GOLIM4: variants seen among roughly 807,000 people sequenced by gnomAD.
GOLIM4 encodes 130 kDa golgi-localized phosphoprotein.
Under a neutral mutation model 107.4 loss-of-function variants are expected in GOLIM4, and 71 were observed. That is an observed-to-expected ratio of 0.66 (90% confidence interval 0.55 to 0.81). GOLIM4 has a LOEUF of 0.81. Among genes scored for constraint, GOLIM4 ranks in the 30% least tolerant of loss-of-function variants. The probability of loss-of-function intolerance (pLI) is 0.00; values close to 1 mark genes in which losing one functional copy is unlikely to be tolerated. For synonymous variants in GOLIM4, 327 were observed against 294.8 expected, an observed-to-expected ratio of 1.11 and a Z score of -1.12; for missense variants, 830 against 826.1, an observed-to-expected ratio of 1.00 and a Z score of -0.06.
intron 8 of GOLIM4, among the ~76,000 whole-genome samples, chr3:168,033,909 A>C (rs577359002): frequency 2.2e-4 from 34 of 152,146 alleles, no homozygotes; most frequent in Non-Finnish European, 4.3e-4. Flanking sequence ...ACTACCTAGA[A>C]AGTGAGGAAG....
chr3:168,025,185 G>C (rs888764906), intron 12 of GOLIM4, 90 bp from the exon 13 acceptor site: 27 of 988,150 alleles, frequency 2.7e-5, no homozygotes, highest in Non-Finnish European at 4.0e-5. Context: ...GGCAGAAAAT[G>C]AAATTGTCCT....
chr3:168,021,818 G>A (rs1717705127), intron 14 of GOLIM4, among the ~76,000 whole-genome samples: 1 of 152,154 alleles, frequency 6.6e-6, no homozygotes, highest in South Asian at 2.1e-4. Context: ...AGATTAATCA[G>A]TTTTCAGTTA....
At chr3:168,065,332 G>C (rs1055731910) in intron 1 of GOLIM4, among the ~76,000 whole-genome samples, 9 of 152,162 alleles carry the variant, frequency 5.9e-5, no homozygotes, top group Admixed American at 5.9e-4. Context: ...ATTCAGTTTA[G>C]CACAATGCTA....
chr3:168,038,406 T>C (rs1718780760), intron 7 of GOLIM4, among the ~76,000 whole-genome samples: 1 of 152,178 alleles, frequency 6.6e-6, no homozygotes, highest in South Asian at 2.1e-4. Flanking sequence ...CCCCTACTCT[T>C]GAAATTATAA....
chr3:168,023,131 A>T (rs953561001), intron 14 of GOLIM4, among the ~76,000 whole-genome samples: 1 of 152,218 alleles, frequency 6.6e-6, no homozygotes, highest in African/African-American at 2.4e-5. Context: ...CTGAATTTTT[A>T]AAAAAGAAGC....
At chr3:168,066,153 T>C (rs1577558674) in intron 1 of GOLIM4, among the ~76,000 whole-genome samples, 1 of 151,746 alleles carries the variant, frequency 6.6e-6, no homozygotes, top group Non-Finnish European at 1.5e-5. Context: ...TTATGGCCCT[T>C]GATTAGGGCC....
At chr3:168,029,543 G>A (rs1577515698) in intron 10 of GOLIM4, among the ~76,000 whole-genome samples, 1 of 151,888 alleles carries the variant, frequency 6.6e-6, no homozygotes, top group East Asian at 1.9e-4. Context: ...AATAAAGTTG[G>A]CACAAAGCCT....
intron 10 of GOLIM4, 38 bp downstream of exon 10, chr3:168,029,742 A>G: frequency 6.2e-7 from 1 of 1,603,168 alleles, no homozygotes; most frequent in Non-Finnish European, 8.5e-7. Flanking sequence ...AAACTGGAGC[A>G]GGGGCTGTCT....
At chr3:168,068,565 A>C (rs904244590) in intron 1 of GOLIM4, among the ~76,000 whole-genome samples, 3 of 151,574 alleles carry the variant, frequency 2.0e-5, no homozygotes, top group African/African-American at 7.3e-5. Context: ...TGTTAACTTA[A>C]GGATAGTTTT....
At position 168,040,717 on chromosome 3, in the gene GOLIM4, T is replaced by C. The variant is rs535237702; in HGVS notation, c.684+69A>G. 3 of 942,034 alleles carry C rather than the reference T, an allele frequency of 3.2e-6. No individual in the cohort carries two copies. The South Asian group carries it at 4.2e-5, about 13-fold the overall frequency. 58.4% of individuals were successfully genotyped at this position (942,034 alleles called of 1,614,324 possible). ...GAAGATTGGCTTGTAAGAGACTACA[T>C]GCATAAAGGAATTGAGAAATGTTAA... On this transcript the variant is annotated intron_variant, in intron 7 of 15. Transcript: ENST00000470487.
At chr3:168,041,705 T>C (rs772497948) in intron 5 of GOLIM4, among the ~76,000 whole-genome samples, 29 of 152,156 alleles carry the variant, frequency 1.9e-4, no homozygotes, top group Non-Finnish European at 2.9e-4. Flanking sequence ...AAACAACTTT[T>C]GCATGACAGA....
intron 7 of GOLIM4, among the ~76,000 whole-genome samples, chr3:168,039,312 G>T (rs150797662): frequency 0.034 from 5,159 of 150,664 alleles, 138 homozygotes; most frequent in Non-Finnish European, 0.051. Flanking sequence ...ACCCAGGCTG[G>T]AGTGCAGTGG....
intron 14 of GOLIM4, among the ~76,000 whole-genome samples, chr3:168,017,365 C>G (rs192928343): frequency 1.3e-5 from 2 of 152,158 alleles, no homozygotes; most frequent in East Asian, 3.9e-4. Flanking sequence ...GTGGTGCACG[C>G]CTGTAGTCTC....
At chr3:168,018,000 C>T (rs1253286358) in intron 14 of GOLIM4, among the ~76,000 whole-genome samples, 1 of 152,118 alleles carries the variant, frequency 6.6e-6, no homozygotes, top group Non-Finnish European at 1.5e-5. Flanking sequence ...CACAGAAATA[C>T]AGGGTAGGGC....
At chr3:168,042,961 C>T (rs571750330) in intron 5 of GOLIM4, among the ~76,000 whole-genome samples, 12 of 152,250 alleles carry the variant, frequency 7.9e-5, no homozygotes, top group East Asian at 5.8e-4. Flanking sequence ...TTACTACTGG[C>T]GATCAACAGC....
chr3:168,047,993 T>C lies in GOLIM4; in HGVS notation c.262+298A>G, dbSNP rs1315638442. Among the ~76,000 whole-genome samples, 3 of 148,920 alleles carry C rather than the reference T, an allele frequency of 2.0e-5. No individual in the cohort carries two copies. The Middle Eastern group carries it at 0.01, about 510-fold the overall frequency. On this transcript the variant is annotated intron_variant, in intron 2 of 15. Coordinates refer to ENST00000470487, the MANE Select transcript of GOLIM4 (RefSeq NM_014498.5). The stretch of plus-strand genomic sequence containing the variant: ...GGACAGAAGTTCCAGGTGTAAGTAA[T>C]ATACCCGTTTAATATGCAGATGAAA...
intron 1 of GOLIM4, among the ~76,000 whole-genome samples, chr3:168,080,368 G>C (rs1721293105): frequency 6.6e-6 from 1 of 152,094 alleles, no homozygotes; most frequent in South Asian, 2.1e-4. Flanking sequence ...TAAAATGAGA[G>C]TTGTGTTTAA....
At chr3:168,064,008 G>A (rs1473704927) in intron 1 of GOLIM4, among the ~76,000 whole-genome samples, 2 of 152,174 alleles carry the variant, frequency 1.3e-5, no homozygotes, top group African/African-American at 4.8e-5. Context: ...ATTCTGGCAA[G>A]CAGGCCTTGA....
chr3:168,015,340 G>A (rs1453282797), intron 14 of GOLIM4, among the ~76,000 whole-genome samples: 1 of 148,492 alleles, frequency 6.7e-6, no homozygotes, highest in Non-Finnish European at 1.5e-5. Flanking sequence ...CAAGGGATGT[G>A]AAGGACCTCT....
Sources: allele counts gnomAD v4.1 joint callset (sites outside exome capture counted in the v4.1 genomes callset), GRCh38; gene constraint gnomAD v4.1.1; transcripts MANE v1.5; gene names NCBI Gene and HGNC (gene_info 2026-07-23, HGNC 2026-07-21).